FGF14: variants seen among roughly 807,000 people sequenced by gnomAD.
FGF14 encodes the protein fibroblast growth factor 14, also known as fibroblast growth factor homologous factor 4.
A neutral mutation model predicts 25.5 loss-of-function variants in FGF14; 5 were observed. That is an observed-to-expected ratio of 0.20 (90% CI 0.10 to 0.41). The LOEUF (loss-of-function observed/expected upper bound fraction) is 0.41. Ranked by LOEUF, FGF14 falls within the 10% of genes least tolerant of loss-of-function variation. The pLI is 1.00. For missense variants in FGF14, 222 were observed against 320.1 expected (o/e 0.69, Z 2.34); for synonymous variants, 138 against 118.3 (o/e 1.17, Z -1.08).
intron 1 of FGF14, among the ~76,000 whole-genome samples, chr13:102,375,701 T>C (rs1177591392): frequency 6.6e-6 from 1 of 152,170 alleles, no homozygotes; most frequent in African/African-American, 2.4e-5. Flanking sequence ...TTTCTTTTCA[T>C]GCAAGAAAAA....
intron 1 of FGF14, among the ~76,000 whole-genome samples, chr13:102,014,719 GATT>G (rs779291795): frequency 2.0e-5 from 3 of 152,026 alleles, no homozygotes; most frequent in Non-Finnish European, 4.4e-5. Flanking sequence ...GTATGTAAAT[GATT>G]ATTTCATAAT....
intron 3 of FGF14, among the ~76,000 whole-genome samples, chr13:101,807,312 A>T (rs865900178): frequency 1.3e-5 from 2 of 152,142 alleles, no homozygotes; most frequent in South Asian, 2.1e-4. Context: ...CCACAAACTC[A>T]TCAATGCTCC....
intron 1 of FGF14, among the ~76,000 whole-genome samples, chr13:101,949,223 G>T (rs1034975179): frequency 2.6e-5 from 4 of 152,124 alleles, no homozygotes; most frequent in African/African-American, 9.7e-5. Flanking sequence ...GACCAAAATC[G>T]AAAAGGTGGC....
chr13:101,995,075 T>C (rs975069551), intron 1 of FGF14, among the ~76,000 whole-genome samples: 1 of 152,178 alleles, frequency 6.6e-6, no homozygotes, highest in Non-Finnish European at 1.5e-5. Context: ...AAAATAATTA[T>C]AGCAATTTGA....
intron 1 of FGF14, among the ~76,000 whole-genome samples, chr13:102,164,724 G>A (rs890267677): frequency 2.0e-5 from 3 of 152,160 alleles, no homozygotes; most frequent in South Asian, 2.1e-4. Context: ...GACTAGTCAC[G>A]GTTCAAGTGT....
At chr13:102,008,036 T>C (rs2039896615) in intron 1 of FGF14, among the ~76,000 whole-genome samples, 2 of 152,154 alleles carry the variant, frequency 1.3e-5, no homozygotes, top group Non-Finnish European at 2.9e-5. Flanking sequence ...GAATGAATCA[T>C]CCTATTTCAC....
intron 1 of FGF14, among the ~76,000 whole-genome samples, chr13:102,233,332 T>C (rs917269842): frequency 3.3e-5 from 5 of 152,094 alleles, no homozygotes; most frequent in African/African-American, 7.2e-5. Context: ...GATTTCACCA[T>C]GTTGGCCAGG....
At chr13:102,107,994 G>A (rs1025850517) in intron 1 of FGF14, among the ~76,000 whole-genome samples, 1 of 152,074 alleles carries the variant, frequency 6.6e-6, no homozygotes, top group Non-Finnish European at 1.5e-5. Flanking sequence ...AATGAATTAT[G>A]TGAATATATT....
At chr13:101,789,381 G>T (rs549940874) in intron 3 of FGF14, among the ~76,000 whole-genome samples, 1 of 152,198 alleles carries the variant, frequency 6.6e-6, no homozygotes, top group East Asian at 1.9e-4. Context: ...GTGCCTTCAT[G>T]CCCCAGTTTC....
At chr13:102,305,085 AG>A (rs1020240029) in intron 1 of FGF14, among the ~76,000 whole-genome samples, 1 of 152,224 alleles carries the variant, frequency 6.6e-6, no homozygotes, top group African/African-American at 2.4e-5. Flanking sequence ...CCTATGACAA[AG>A]AAAATTGTGT....
chr13:102,387,277 C>T (rs1404563414), intron 1 of FGF14, among the ~76,000 whole-genome samples: 4 of 152,148 alleles, frequency 2.6e-5, no homozygotes, highest in Non-Finnish European at 2.9e-5. Flanking sequence ...CAGATACTGA[C>T]CCCTTGAAAC....
At chr13:101,982,564 T>C (rs1015073405) in intron 1 of FGF14, among the ~76,000 whole-genome samples, 1 of 152,220 alleles carries the variant, frequency 6.6e-6, no homozygotes. Flanking sequence ...GGATATTCTT[T>C]ATAAAATAGA....
intron 1 of FGF14, among the ~76,000 whole-genome samples, chr13:102,151,630 C>T (rs893008209): frequency 2.0e-5 from 3 of 152,090 alleles, no homozygotes; most frequent in African/African-American, 7.2e-5. Flanking sequence ...TCCAGAGTAG[C>T]TGGGATTACA....
At chr13:102,375,989 AT>A (rs1165366342) in intron 1 of FGF14, among the ~76,000 whole-genome samples, 1 of 152,308 alleles carries the variant, frequency 6.6e-6, no homozygotes, top group Non-Finnish European at 1.5e-5. Flanking sequence ...TGACATCGAA[AT>A]TTTAAGGAAT....
At chr13:102,086,878 G>T (rs2043931509) in intron 1 of FGF14, among the ~76,000 whole-genome samples, 1 of 152,166 alleles carries the variant, frequency 6.6e-6, no homozygotes, top group African/African-American at 2.4e-5. Flanking sequence ...AAACTTTCCA[G>T]GATTACGTAG....
intron 1 of FGF14, among the ~76,000 whole-genome samples, chr13:101,923,626 G>A (rs973069602): frequency 1.6e-4 from 25 of 151,892 alleles, no homozygotes; most frequent in South Asian, 2.1e-4. Flanking sequence ...TAGAATCAAA[G>A]GTTGATCTAA....
At position 101,773,416 on chromosome 13, in the gene FGF14, T is replaced by C. The variant is rs73570305; in HGVS notation, c.409-46606A>G. Among the ~76,000 whole-genome samples, 455 of 152,182 alleles carry C rather than the reference T, an allele frequency of 3.0e-3. 3 individuals carry two copies. The highest frequency in any genetic ancestry group is 0.011 in the African/African-American group (437 of 41,530). Reference sequence around the variant, plus strand: ...ACACCAAGCACTTGTGGGCATTTTTTTTTTCTTGTCAGTGATATAGGTGAA... The same window carrying C: ...ACACCAAGCACTTGTGGGCATTTTTCTTTTCTTGTCAGTGATATAGGTGAA... On this transcript the variant is annotated intron_variant, in intron 3 of 4. Transcript: ENST00000376143.
At chr13:102,129,063 T>C (rs771442996) in intron 1 of FGF14, among the ~76,000 whole-genome samples, 1 of 151,882 alleles carries the variant, frequency 6.6e-6, no homozygotes, top group African/African-American at 2.4e-5. Flanking sequence ...AGTCAAACTG[T>C]GTCTCAAAAT....
chr13:101,911,125 G>A (rs189236134), intron 1 of FGF14, among the ~76,000 whole-genome samples: 17 of 151,942 alleles, frequency 1.1e-4, no homozygotes, highest in Admixed American at 2.0e-4. Flanking sequence ...TTTAGAAGAC[G>A]TAACTTTACA....
Sources: gnomAD v4.1 joint callset for allele counts (sites outside exome capture counted in the v4.1 genomes callset) on GRCh38, gnomAD v4.1.1 for gene constraint, MANE v1.5 for transcripts, NCBI Gene and HGNC (gene_info 2026-07-23, HGNC 2026-07-21) for gene names.